Variants in AGAP5 observed in about 807,000 individuals in gnomAD.
AGAP5 encodes the protein ArfGAP with GTPase domain, ankyrin repeat and PH domain 5, also known as arf-GAP with GTPase, ANK repeat and PH domain-containing protein 5.
Under a neutral mutation model 27.7 loss-of-function variants are expected in AGAP5, and 8 were observed. The ratio of observed to expected loss-of-function variants is 0.29; its 90% CI spans 0.17 to 0.52. The LOEUF is 0.52. Ranked by LOEUF, AGAP5 falls within the 20% of genes least tolerant of loss-of-function variation. The pLI, the probability that AGAP5 is intolerant of heterozygous loss-of-function variation, is 0.97. For missense variants in AGAP5, 285 were observed against 880.8 expected (o/e 0.32, Z 8.56); for synonymous variants, 111 against 338.0 (o/e 0.33, Z 7.37).
Position 73,675,604 on chromosome 10 carries a change from A to T in AGAP5, c.1056T>A (p.Cys352Ter), listed in dbSNP as rs996067468. The T allele has an allele frequency of 7.2e-5, 117 of 1,614,020 alleles. No homozygotes were observed. Among genetic ancestry groups the T allele is most frequent in the Non-Finnish European group, 9.9e-5 (117 of 1,179,932 alleles). The change falls in exon 8 of 8, where the codon TGT (cysteine) becomes TGA (stop). Residue 352 changes from cysteine to a stop codon, truncating the protein, a stop_gained. Coordinates refer to ENST00000374094, the MANE Select transcript of AGAP5 (RefSeq NM_001144000.4). LOFTEE classifies it low-confidence loss of function (END_TRUNC). ...TGCTTTTAGAGCTGGAGATGGGTGC[A>T]CAGGCCGATGTGGCTAGGGATGGCC... ...GKWPSLATSA[C>*]APISSSKSNG... is the part of the protein sequence containing the mutation.
rs112551051 is a variant in AGAP5 at position 73,697,999 on chromosome 10, C to G, written c.-244G>C. The G allele has an allele frequency of 6.9e-7, 1 of 1,459,482 alleles. No individual in the cohort carries two copies. The highest frequency in any genetic ancestry group is 1.4e-5 in the South Asian group (1 of 71,856). The allele number at this position is 1,459,482 out of a possible 1,614,324, so 90.4% of individuals were successfully genotyped here. ...GTTGACTTGTCTGGGAGGGTGAAGA[C>G]CAGCTGGCTTATTTAATAGGTTGTG... On this transcript the variant is annotated 5_prime_UTR_variant, in exon 1 of 8. Transcript: ENST00000374094.
chr10:73,694,602 T>C lies in AGAP5; in HGVS notation c.361+134A>G. 6 of 1,515,208 alleles carry C rather than the reference T, an allele frequency of 4.0e-6. No individual in the cohort carries two copies. In the South Asian group the frequency reaches 4.7e-5, roughly 12 times the overall value. The allele number at this position is 1,515,208 out of a possible 1,614,324, so 93.9% of individuals were successfully genotyped here. On this transcript the variant is annotated intron_variant, in intron 3 of 7. Transcript: ENST00000374094. Reference sequence around the variant, plus strand: ...CAACTAAAGGAAAGTATATCACATATTAAAATAAGACAAGTGAACATGTGA... The same window carrying C: ...CAACTAAAGGAAAGTATATCACATACTAAAATAAGACAAGTGAACATGTGA...
At position 73,675,131 on chromosome 10, in the gene AGAP5, C is replaced by G; in HGVS notation, c.1529G>C (p.Gly510Ala). ...IECSGIHRSL[G>A]TRLSRVRSLE... ...AGATCGCACACGGGAAAGGCGGGTG[C>G]CAAGACTGCGGTGGATTCCTGAGCA... The change falls in exon 8 of 8, where the codon GGC becomes GCC. Residue 510 changes from glycine (G) to alanine (A), a missense_variant. Coordinates refer to ENST00000374094, the MANE Select transcript of AGAP5 (RefSeq NM_001144000.4). 1 of 1,610,340 alleles carries G rather than the reference C, an allele frequency of 6.2e-7. No individual in the cohort carries two copies. The highest frequency in any genetic ancestry group is 2.2e-5 in the East Asian group (1 of 44,866).
At chr10:73,695,875 T>G (rs1475908432) in intron 2 of AGAP5, among the ~76,000 whole-genome samples, 1 of 152,206 alleles carries the variant, frequency 6.6e-6, no homozygotes, top group Non-Finnish European at 1.5e-5. Context: ...AACCATATTA[T>G]TACCCAGAAT....
intron 3 of AGAP5, among the ~76,000 whole-genome samples, chr10:73,692,343 A>G (rs536942013): frequency 1.3e-5 from 2 of 152,308 alleles, no homozygotes; most frequent in Admixed American, 6.5e-5. Context: ...GGGCAAAAAA[A>G]TTAGGCCAGA....
At chr10:73,686,765 T>C (rs2082067539) in intron 4 of AGAP5, among the ~76,000 whole-genome samples, 1 of 152,154 alleles carries the variant, frequency 6.6e-6, no homozygotes, top group Admixed American at 6.5e-5. Context: ...GTGATATACA[T>C]ACATATATAT....
chr10:73,693,923 T>C (rs1049978980), intron 3 of AGAP5, among the ~76,000 whole-genome samples: 5 of 152,144 alleles, frequency 3.3e-5, no homozygotes, highest in Admixed American at 3.3e-4. Flanking sequence ...TATCTCTTTA[T>C]AGTAATGTAA....
Position 73,697,553 on chromosome 10 carries a change from C to T in AGAP5, c.203G>A (p.Arg68His), listed in dbSNP as rs546134986. 1.6e-4 allele frequency: 255 copies of T among 1,613,004 alleles called. 1 individual carries two copies. The South Asian group carries it at 2.4e-3, about 15-fold the overall frequency. Reference protein sequence around the residue: ...VGEDLHMHHIRDQEMPEALEF... With the variant: ...VGEDLHMHHIHDQEMPEALEF... ...CTTACCTTCAGGCATCTCCTGGTCA[C>T]GAATGTGGTGCATGTGGAGGTCCTC... Residue 68 changes from arginine (R) to histidine (H), a missense_variant, in exon 1 of 8, where the codon CGT (arginine) becomes CAT (histidine). Coordinates refer to ENST00000374094, the MANE Select transcript of AGAP5 (RefSeq NM_001144000.4).
At chr10:73,690,279 C>T (rs1016756207) in intron 4 of AGAP5, among the ~76,000 whole-genome samples, 1 of 152,194 alleles carries the variant, frequency 6.6e-6, no homozygotes, top group Non-Finnish European at 1.5e-5. Context: ...GTTCTTCTGC[C>T]TTGGGATCCT....
chr10:73,697,882 C>G lies in AGAP5; in HGVS notation c.-127G>C. 6.5e-7 allele frequency: 1 copy of G among 1,540,078 alleles called. No homozygotes were observed. On this transcript the variant is annotated 5_prime_UTR_variant, in exon 1 of 8. Transcript: ENST00000374094. ...GTCTTCCCGCTCCTCGCCTGCCCAC[C>G]TCACAGCGCGGCCCCGGGCACCATC...
chr10:73,674,409 T>G lies in AGAP5; in HGVS notation c.*190A>C. 2.1e-6 allele frequency: 2 copies of G among 943,948 alleles called. No homozygotes were observed. Among genetic ancestry groups the G allele is most frequent in the Non-Finnish European group, 3.2e-6 (2 of 634,622 alleles). 58.5% of individuals were successfully genotyped at this position (943,948 alleles called of 1,614,324 possible). On this transcript the variant is annotated 3_prime_UTR_variant, in exon 8 of 8. Transcript: ENST00000374094. ...AGGGCCTGAGACTAACACATCCACC[T>G]TGGCAAAAGGACATAAAATATGTCT...
At chr10:73,688,699 G>A (rs531719423) in intron 4 of AGAP5, among the ~76,000 whole-genome samples, 48 of 152,022 alleles carry the variant, frequency 3.2e-4, no homozygotes, top group African/African-American at 1.1e-3. Flanking sequence ...AAGACTATCA[G>A]TAAAAAAGTA....
chr10:73,696,192 T>C (rs2082160403), intron 2 of AGAP5, among the ~76,000 whole-genome samples: 1 of 152,148 alleles, frequency 6.6e-6, no homozygotes. Context: ...TTTGTATTTT[T>C]TTTTTAGTAG....
chr10:73,689,682 G>A (rs1244327331), intron 4 of AGAP5, among the ~76,000 whole-genome samples: 6 of 143,954 alleles, frequency 4.2e-5, no homozygotes, highest in East Asian at 2.1e-4. Context: ...CGGCCGCCCC[G>A]TCTGAGAAGT....
chr10:73,696,758 A>G (rs2082165313), intron 2 of AGAP5, among the ~76,000 whole-genome samples: 1 of 152,248 alleles, frequency 6.6e-6, no homozygotes, highest in Non-Finnish European at 1.5e-5. Context: ...GTTAGAAGAA[A>G]CTAAGCAGCT....
At chr10:73,676,291 C>CAAAAAAAAAAAAAAAA (rs371426814) in intron 7 of AGAP5, among the ~76,000 whole-genome samples, 1 of 71,804 alleles carries the variant, frequency 1.4e-5, no homozygotes, top group Non-Finnish European at 2.9e-5. Context: ...CCTGTCTTTA[C>CAAAAAAAAAAAAAAAA]AAAAAAAAAA....
intron 3 of AGAP5, 121 bp downstream of exon 3, chr10:73,694,615 A>T: frequency 6.4e-7 from 1 of 1,569,532 alleles, no homozygotes; most frequent in South Asian, 1.1e-5. Flanking sequence ...AAATAAGACA[A>T]GTGAACATGT....
At position 73,697,889 on chromosome 10, in the gene AGAP5, C is replaced by T. The variant is rs879166033; in HGVS notation, c.-134G>A. ...CGCTCCTCGCCTGCCCACCTCACAG[C>T]GCGGCCCCGGGCACCATCCCTGGCC... On this transcript the variant is annotated 5_prime_UTR_variant, in exon 1 of 8. Transcript: ENST00000374094. 29 of 1,537,718 alleles carry T rather than the reference C, an allele frequency of 1.9e-5. No individual in the cohort carries two copies. In the East Asian group the frequency reaches 2.7e-4, roughly 14 times the overall value.
rs3207209 is a variant in AGAP5 at position 73,674,997 on chromosome 10, A to G, written c.1663T>C (p.Ser555Pro). ...TTCTCTTCCCTCGTGGACTTTACTG[A>G]GGGTTTTGTCTGCCCCTGGCTGCTC... ...EGSSQGQTKP[S>P]VKSTREEKER... The change falls in exon 8 of 8, where the codon TCA (serine) becomes CCA (proline). Residue 555 changes from serine to proline, a missense_variant. Coordinates refer to ENST00000374094, the MANE Select transcript of AGAP5 (RefSeq NM_001144000.4). 9.3e-6 allele frequency: 15 copies of G among 1,613,038 alleles called. No homozygotes were observed. The African/African-American group carries it at 1.5e-4, about 16-fold the overall frequency.
Sources: gnomAD v4.1 joint callset for allele counts (sites outside exome capture counted in the v4.1 genomes callset) on GRCh38, gnomAD v4.1.1 for gene constraint, MANE v1.5 for transcripts, NCBI Gene and HGNC (gene_info 2026-07-23, HGNC 2026-07-21) for gene names.